The following STARD13 variants were observed in gnomAD, a reference collection of about 807,000 sequenced individuals.
The protein encoded by STARD13 is stAR-related lipid transfer protein 13.
Under a neutral mutation model 106.4 loss-of-function variants are expected in STARD13, and 62 were observed. That is an observed-to-expected ratio of 0.58 (90% CI 0.48 to 0.72). The LOEUF is 0.72. STARD13 is among the 30% of genes least tolerant of loss of function. STARD13 has a pLI of 0.00. For synonymous variants in STARD13, 565 were observed against 553.0 expected (o/e 1.02, Z -0.31); for missense variants, 1,387 against 1,424.0 (o/e 0.97, Z 0.42).
At chr13:33,387,695 A>G in the STARD13 span, among the ~76,000 whole-genome samples, 27 of 152,196 alleles carry the variant, frequency 1.8e-4, no homozygotes. Context: ...ACCGCTACTG[A>G]TGGTAAAAAG....
chr13:33,666,264 A>G, the STARD13 span, among the ~76,000 whole-genome samples: 2 of 152,180 alleles, frequency 1.3e-5, no homozygotes, highest in African/African-American at 4.8e-5. Context: ...ATATAAAATT[A>G]CATTCATAGG....
chr13:33,632,739 C>T, the STARD13 span, among the ~76,000 whole-genome samples: 1 of 151,892 alleles, frequency 6.6e-6, no homozygotes, highest in African/African-American at 2.4e-5. Context: ...AATCAATTGG[C>T]TACCTACTTT....
intron 3 of STARD13, among the ~76,000 whole-genome samples, chr13:33,161,476 A>G (rs1055467725): frequency 6.6e-6 from 1 of 152,080 alleles, no homozygotes; most frequent in Non-Finnish European, 1.5e-5. Context: ...CACCATGCCC[A>G]GCTAATTTTT....
intron 13 of STARD13, among the ~76,000 whole-genome samples, chr13:33,106,240 C>T (rs151287651): frequency 8.4e-4 from 128 of 152,160 alleles, no homozygotes; most frequent in Middle Eastern, 3.4e-3. Context: ...GCCAACATGG[C>T]GAGGCCCTGT....
At chr13:33,392,356 GC>G in the STARD13 span, among the ~76,000 whole-genome samples, 1 of 152,118 alleles carries the variant, frequency 6.6e-6, no homozygotes, top group Non-Finnish European at 1.5e-5. Flanking sequence ...TGTTGATTTG[GC>G]CATATCTTCA....
intron 1 of STARD13, chr13:33,334,895 T>G (rs1594276365): frequency 1.7e-5 from 2 of 118,142 alleles, no homozygotes; most frequent in South Asian, 3.1e-4. Flanking sequence ...CACCACACAC[T>G]CACACATTTT....
At chr13:33,496,769 TG>T in the STARD13 span, among the ~76,000 whole-genome samples, 1 of 152,146 alleles carries the variant, frequency 6.6e-6, no homozygotes, top group Non-Finnish European at 1.5e-5. Context: ...TATTCATTGC[TG>T]TTTTTTTAAA....
the STARD13 span, among the ~76,000 whole-genome samples, chr13:33,511,027 TGGCCAGA>T: frequency 1.3e-5 from 2 of 152,068 alleles, no homozygotes. Flanking sequence ...AAGCTGATGT[TGGCCAGA>T]TGCAGTGGCT....
intron 5 of STARD13, 93 bp downstream of exon 5, chr13:33,128,836 G>A: frequency 7.7e-7 from 1 of 1,305,064 alleles, no homozygotes; most frequent in South Asian, 1.4e-5. Context: ...CAGGCATTTA[G>A]TAAGTACTCT....
the STARD13 span, among the ~76,000 whole-genome samples, chr13:33,486,025 A>G: frequency 6.6e-6 from 1 of 152,148 alleles, no homozygotes; most frequent in African/African-American, 2.4e-5. Flanking sequence ...CCCTTGACTG[A>G]CTGCTTATAA....
chr13:33,468,701 A>C, the STARD13 span, among the ~76,000 whole-genome samples: 4 of 152,088 alleles, frequency 2.6e-5, no homozygotes, highest in African/African-American at 9.7e-5. Flanking sequence ...TCCAGTGTCC[A>C]GAATTTTGAG....
chr13:33,367,648 G>A, the STARD13 span, among the ~76,000 whole-genome samples: 5,885 of 151,446 alleles, frequency 0.039, 414 homozygotes, highest in African/African-American at 0.13. Context: ...GCATTAAGCC[G>A]GTCTGTTTCT....
chr13:33,674,690 C>G, the STARD13 span, among the ~76,000 whole-genome samples: 7 of 152,124 alleles, frequency 4.6e-5, no homozygotes, highest in Non-Finnish European at 7.3e-5. Flanking sequence ...GTGAATCTTT[C>G]AATAAAGAAA....
chr13:33,598,369 A>G, the STARD13 span, among the ~76,000 whole-genome samples: 1 of 152,206 alleles, frequency 6.6e-6, no homozygotes. Context: ...GGAAAATCTC[A>G]TGGTTGTGCT....
chr13:33,296,998 C>T lies in STARD13; in HGVS notation c.124+53292G>A, dbSNP rs1892521721. Among the ~76,000 whole-genome samples, 5 of 152,348 alleles carry T rather than the reference C, an allele frequency of 3.3e-5. No individual in the cohort carries two copies. The South Asian group carries it at 1.0e-3, about 32-fold the overall frequency. ...TCTCTGTCTGGCTGATTGCACTTAG[C>T]ATAATGTCCTCCAGGTTCATTTATT... is the stretch of plus-strand genomic sequence containing the variant. On this transcript the variant is annotated intron_variant, in intron 1 of 5. Transcript: ENST00000567873.
At chr13:33,131,136 G>T (rs2138178719) in intron 4 of STARD13, among the ~76,000 whole-genome samples, 1 of 152,332 alleles carries the variant, frequency 6.6e-6, no homozygotes, top group Middle Eastern at 3.4e-3. Context: ...AGATGGCCTG[G>T]TTTAGCTTTG....
At chr13:33,336,747 C>A (rs2077900848) in intron 1 of STARD13, 2 of 71,316 alleles carry the variant, frequency 2.8e-5, no homozygotes, top group African/African-American at 1.2e-4. Flanking sequence ...CACAGCAAGA[C>A]CCTGTATCAG....
At chr13:33,215,711 T>C (rs1888000712) in intron 1 of STARD13, among the ~76,000 whole-genome samples, 1 of 152,152 alleles carries the variant, frequency 6.6e-6, no homozygotes, top group African/African-American at 2.4e-5. Flanking sequence ...CCTGAAGTAT[T>C]TGAGTGCAGG....
At chr13:33,398,918 A>G in the STARD13 span, among the ~76,000 whole-genome samples, 1 of 152,196 alleles carries the variant, frequency 6.6e-6, no homozygotes. Flanking sequence ...AGAAATGAAA[A>G]CATATATCCA....
Sources: allele counts gnomAD v4.1 joint callset (sites outside exome capture counted in the v4.1 genomes callset), GRCh38; gene constraint gnomAD v4.1.1; transcripts MANE v1.5; gene names NCBI Gene and HGNC (gene_info 2026-07-23, HGNC 2026-07-21).